The following CADM2 variants were observed in gnomAD, a reference collection of about 807,000 sequenced individuals.
CADM2 encodes cell adhesion molecule 2.
Under a neutral mutation model 49.8 loss-of-function variants are expected in CADM2, and 12 were observed. That is an observed-to-expected ratio of 0.24 (90% CI 0.15 to 0.39). The LOEUF is 0.39. Ranked by LOEUF, CADM2 falls within the 10% of genes least tolerant of loss-of-function variation. The pLI, the probability that CADM2 is intolerant of heterozygous loss-of-function variation, is 1.00. For missense variants in CADM2, 378 were observed against 492.3 expected (o/e 0.77, Z 2.20); for synonymous variants, 214 against 175.4 (o/e 1.22, Z -1.74).
At chr3:85,723,145 ATAT>A (rs2067567159) in intron 1 of CADM2, among the ~76,000 whole-genome samples, 1 of 152,142 alleles carries the variant, frequency 6.6e-6, no homozygotes, top group Non-Finnish European at 1.5e-5. Flanking sequence ...TGTGAAATCA[ATAT>A]TATAATTCTC....
intron 1 of CADM2, among the ~76,000 whole-genome samples, chr3:85,281,525 A>C (rs1233326374): frequency 6.6e-6 from 1 of 152,088 alleles, no homozygotes; most frequent in Non-Finnish European, 1.5e-5. Flanking sequence ...AACTTTTCAA[A>C]GAGTGCCATT....
intron 2 of CADM2, among the ~76,000 whole-genome samples, chr3:85,760,804 C>G (rs1284597358): frequency 6.6e-6 from 1 of 151,906 alleles, no homozygotes; most frequent in Non-Finnish European, 1.5e-5. Flanking sequence ...TATACATTTC[C>G]TTGGAAGGTT....
intron 9 of CADM2, 66 bp from the exon 10 acceptor site, chr3:86,066,599 T>G (rs1739368815): frequency 8.4e-7 from 1 of 1,192,812 alleles, no homozygotes; most frequent in Non-Finnish European, 1.2e-6. Context: ...CTAAATAATG[T>G]AGCTTTAATG....
chr3:85,350,492 T>G (rs562658544), intron 1 of CADM2, among the ~76,000 whole-genome samples: 5 of 152,140 alleles, frequency 3.3e-5, no homozygotes, highest in African/African-American at 1.2e-4. Flanking sequence ...TTACCTGTCT[T>G]CCAAAAAACC....
chr3:86,017,091 A>G lies in CADM2; in HGVS notation c.971-48514A>G, dbSNP rs1433331820. Among the ~76,000 whole-genome samples, 6 of 151,430 alleles carry G rather than the reference A, an allele frequency of 4.0e-5. No individual in the cohort carries two copies. The East Asian group carries it at 1.2e-3, about 29-fold the overall frequency. On this transcript the variant is annotated intron_variant, in intron 8 of 9. Transcript: ENST00000383699. The stretch of plus-strand genomic sequence containing the variant: ...GCTTTTACAGACCCATTTCTGTGCC[A>G]TCAAGCTAATATGGGTTCATACTAC...
At chr3:85,498,627 AT>A (rs1370779413) in intron 1 of CADM2, among the ~76,000 whole-genome samples, 3 of 152,194 alleles carry the variant, frequency 2.0e-5, no homozygotes, top group Non-Finnish European at 4.4e-5. Context: ...ACATCTAGTG[AT>A]TTATTATAAA....
intron 2 of CADM2, among the ~76,000 whole-genome samples, chr3:85,795,322 A>G (rs1333825719): frequency 3.3e-5 from 5 of 152,212 alleles, no homozygotes; most frequent in Non-Finnish European, 5.9e-5. Flanking sequence ...GTAAAAGGCA[A>G]TTCATAGCTT....
intron 1 of CADM2, among the ~76,000 whole-genome samples, chr3:85,477,002 T>C (rs1052674048): frequency 2.7e-5 from 4 of 149,370 alleles, no homozygotes; most frequent in Non-Finnish European, 5.9e-5. Flanking sequence ...AATGAACATA[T>C]AGAAATGCTC....
chr3:85,104,361 T>C (rs1285924741), intron 1 of CADM2, among the ~76,000 whole-genome samples: 2 of 151,544 alleles, frequency 1.3e-5, no homozygotes, highest in Non-Finnish European at 2.9e-5. Context: ...TAGTTGTAGA[T>C]ATGCGGCGTT....
chr3:85,177,863 A>T (rs930820474), intron 1 of CADM2, among the ~76,000 whole-genome samples: 2 of 151,998 alleles, frequency 1.3e-5, no homozygotes, highest in African/African-American at 4.8e-5. Flanking sequence ...TAATATTGTT[A>T]TATATTATGA....
At chr3:85,206,516 C>T (rs1004618282) in intron 1 of CADM2, among the ~76,000 whole-genome samples, 3 of 151,884 alleles carry the variant, frequency 2.0e-5, no homozygotes, top group African/African-American at 7.3e-5. Context: ...ACCGTGTTAG[C>T]CAGGATGGTC....
intron 1 of CADM2, among the ~76,000 whole-genome samples, chr3:85,202,707 T>C (rs1289055653): frequency 1.3e-5 from 2 of 152,206 alleles, no homozygotes. Context: ...CAAGTCAGTC[T>C]ATTATTTGAA....
intron 1 of CADM2, among the ~76,000 whole-genome samples, chr3:85,637,060 G>A (rs1343480728): frequency 6.7e-6 from 1 of 148,546 alleles, no homozygotes; most frequent in South Asian, 2.2e-4. Context: ...ATCCTGAAAG[G>A]TAAATATTAA....
intron 1 of CADM2, among the ~76,000 whole-genome samples, chr3:85,000,509 A>T (rs1185894398): frequency 1.3e-5 from 2 of 152,114 alleles, no homozygotes; most frequent in African/African-American, 4.8e-5. Context: ...TCTAAGTAAA[A>T]TATCTTAAGA....
At chr3:85,503,030 C>G (rs2040181770) in intron 1 of CADM2, among the ~76,000 whole-genome samples, 1 of 151,858 alleles carries the variant, frequency 6.6e-6, no homozygotes, top group Non-Finnish European at 1.5e-5. Flanking sequence ...AAAAAAGATC[C>G]TCAGATAGGT....
At chr3:85,537,185 A>G (rs1309834061) in intron 1 of CADM2, among the ~76,000 whole-genome samples, 3 of 152,120 alleles carry the variant, frequency 2.0e-5, no homozygotes, top group Non-Finnish European at 4.4e-5. Flanking sequence ...TTCTTAAAGC[A>G]TGTGTTTTAA....
At chr3:85,538,810 G>A (rs2061478265) in intron 1 of CADM2, among the ~76,000 whole-genome samples, 1 of 152,080 alleles carries the variant, frequency 6.6e-6, no homozygotes, top group East Asian at 1.9e-4. Context: ...GGAAGTGAGA[G>A]AGGTGATGGC....
chr3:85,071,123 T>A (rs2036727820), intron 1 of CADM2, among the ~76,000 whole-genome samples: 1 of 152,000 alleles, frequency 6.6e-6, no homozygotes, highest in Non-Finnish European at 1.5e-5. Context: ...AATATTAAAA[T>A]ACTTCGTAAA....
At chr3:85,216,386 T>TA (rs2041927999) in intron 1 of CADM2, among the ~76,000 whole-genome samples, 1 of 138,846 alleles carries the variant, frequency 7.2e-6, no homozygotes, top group African/African-American at 3.1e-5. Context: ...AATGTACACT[T>TA]ATATTAATTA....
Sources: allele counts gnomAD v4.1 joint callset (sites outside exome capture counted in the v4.1 genomes callset), GRCh38; gene constraint gnomAD v4.1.1; transcripts MANE v1.5; gene names NCBI Gene and HGNC (gene_info 2026-07-23, HGNC 2026-07-21).